The following HELQ variants were observed in gnomAD, a reference collection of about 807,000 sequenced individuals.
HELQ encodes helicase, POLQ like.
HELQ carries 77 observed loss-of-function variants against 111.6 expected under a neutral mutation model. The observed-to-expected ratio is 0.69, with a 90% CI of 0.57 to 0.83. The LOEUF (loss-of-function observed/expected upper bound fraction) is 0.83, where lower values mean the gene tolerates loss of function less well. Among genes scored for constraint, HELQ ranks in the 40% least tolerant of loss-of-function variants. The pLI, the probability that HELQ is intolerant of heterozygous loss-of-function variation, is 0.00. For synonymous variants in HELQ, 438 were observed against 454.7 expected, an observed-to-expected ratio of 0.96 and a Z score of 0.47; for missense variants, 1,200 against 1,288.5, an observed-to-expected ratio of 0.93 and a Z score of 1.05.
rs560373559 is a variant in HELQ, at chr4:83,437,016, A to G, written c.1890T>C (p.Pro630=). ...LKNIGNGNLC[P]VLKRTIPFGV... The stretch of plus-strand genomic sequence containing the variant: ...CAAATGGGATAGTGCGCTTTAAAAC[A>G]GGACACAGGTTGCCATTGCCAATAT... The change falls in exon 9 of 18, where the codon CCT becomes CCC. Residue 630 remains proline, a synonymous_variant. Coordinates refer to ENST00000295488, the MANE Select transcript of HELQ (RefSeq NM_133636.5). 1 of 1,614,132 alleles carries G rather than the reference A, an allele frequency of 6.2e-7. No homozygotes were observed. Among genetic ancestry groups the G allele is most frequent in the Admixed American group, 1.7e-5 (1 of 60,006 alleles).
In HELQ at chr4:83,448,872, C is replaced by T. The variant is rs562010536; in HGVS notation, c.1102G>A (p.Val368Met). The change falls in exon 3 of 18, where the codon GTG becomes ATG. Residue 368 changes from valine to methionine, a missense_variant. Val to Met is a conservative substitution (Grantham distance 21). This residue lies in a region of HELQ where 610 missense variants were observed against 607.1 expected (regional missense o/e 1.00). Coordinates refer to ENST00000295488, the MANE Select transcript of HELQ (RefSeq NM_133636.5). The part of the protein sequence containing the change: ...SLPTSGGKTL[V>M]AEILMLQELL... ...TCTTGCAGCATTAAAATCTCAGCCA[C>T]GAGGGTTTTTCCACCACTTGTTGGC... 35 of 1,613,588 alleles carry T rather than the reference C, an allele frequency of 2.2e-5. No homozygotes were observed. Among genetic ancestry groups the T allele is most frequent in the Admixed American group, 5.0e-5 (3 of 59,988 alleles).
chr4:83,454,578 TAAGAA>T (rs1212023415), intron 1 of HELQ, among the ~76,000 whole-genome samples: 1 of 149,448 alleles, frequency 6.7e-6, no homozygotes, highest in Non-Finnish European at 1.5e-5. Context: ...CCCGGCTAAT[TAAGAA>T]AAAAAAATTT....
rs1048568594 is a variant in HELQ at position 83,432,568 on chromosome 4, C to T, written c.2049-301G>A. On this transcript the variant is annotated intron_variant, in intron 9 of 17. Transcript: ENST00000295488. ...GTAATTACCAGAGCTATCATTTGAA[C>T]TCAAGTCTGCCCAGCTGCAATGCCT... 3.3e-5 allele frequency among the ~76,000 whole-genome samples: 5 copies of T among 152,164 alleles called. No individual in the cohort carries two copies. The East Asian group carries it at 5.8e-4, about 18-fold the overall frequency.
Position 83,411,157 on chromosome 4 carries a change from C to CAA in HELQ, c.3199-3599_3199-3598dup, listed in dbSNP as rs35424076. ...TTGGAGTGAGAGGGAGACCTTGTCT[C>CAA]AAAAAAAAAAAAAAAAAAAAGAAAG... On this transcript the variant is annotated intron_variant, in intron 17 of 17. Coordinates refer to ENST00000295488, the MANE Select transcript of HELQ (RefSeq NM_133636.5). Among the ~76,000 whole-genome samples the CAA allele has an allele frequency of 2.0e-3, 133 of 67,080 alleles. 1 individual carries two copies. The highest frequency in any genetic ancestry group is 5.2e-3 in the African/African-American group (111 of 21,270). The allele number at this position is 67,080 out of a possible 152,430, so 44.0% of individuals were successfully genotyped here.
intron 8 of HELQ, among the ~76,000 whole-genome samples, chr4:83,438,748 GAA>G (rs200715200): frequency 0.43 from 44,157 of 103,774 alleles, 8,805 homozygotes; most frequent in East Asian, 0.69. Flanking sequence ...CCTGTCTCAG[GAA>G]AAAAAAAAAA....
In HELQ at chr4:83,429,656, A is replaced by G. The variant is rs1230383387; in HGVS notation, c.2386T>C (p.Trp796Arg). 4 of 1,613,178 alleles carry G rather than the reference A, an allele frequency of 2.5e-6. No homozygotes were observed. The highest frequency in any genetic ancestry group is 1.1e-5 in the South Asian group (1 of 91,070). ...QKVLLKEKSLWEITVESLRYL... is the reference protein window; with the variant it reads ...QKVLLKEKSLREITVESLRYL... ...CTAAGTGATTCAACAGTTATTTCCC[A>G]GAGACTTTTTTCTTTCAATAAAACC... The change falls in exon 12 of 18, where the codon TGG becomes CGG. Residue 796 changes from tryptophan to arginine, a missense_variant. Transcript: ENST00000295488.
At chr4:83,408,535 G>A (rs915853847) in intron 17 of HELQ, among the ~76,000 whole-genome samples, 4 of 150,040 alleles carry the variant, frequency 2.7e-5, no homozygotes, top group African/African-American at 9.8e-5. Flanking sequence ...ACAGGTGTGA[G>A]CCACCATGCC....
chr4:83,427,614 G>A lies in HELQ; in HGVS notation c.2625C>T (p.Pro875=). The A allele has an allele frequency of 6.2e-7, 1 of 1,604,942 alleles. No individual in the cohort carries two copies. The highest frequency in any genetic ancestry group is 8.5e-7 in the Non-Finnish European group (1 of 1,176,302). ...GGTTACACTGTGAAACCAGATCATAGGGGGTTGTTAGGTAGATTAGATGAA... is the reference window on the plus strand; with the variant it reads ...GGTTACACTGTGAAACCAGATCATAAGGGGTTGTTAGGTAGATTAGATGAA... ...SLLHLIYLTT[P]YDLVSQCNPD... The change falls in exon 13 of 18, where the codon CCC becomes CCT. Residue 875 remains proline, a synonymous_variant. Coordinates refer to ENST00000295488, the MANE Select transcript of HELQ (RefSeq NM_133636.5).
rs532039377 is a variant in HELQ at position 83,429,434 on chromosome 4, C to T, written c.2518+90G>A. 2.8e-5 allele frequency: 27 copies of T among 955,858 alleles called. No homozygotes were observed. The Admixed American group carries it at 5.3e-4, about 19-fold the overall frequency. The allele number at this position is 955,858 out of a possible 1,614,324, so 59.2% of individuals were successfully genotyped here. A position where few individuals can be genotyped will look rare whatever the true frequency, so the allele number is the denominator to read the frequency against. ...AGAGTGTTGGGATTACAGGCGTGAGCCACTGTGCCCAGCTTAAAGAAAGTA... is the reference window on the plus strand; with the variant it reads ...AGAGTGTTGGGATTACAGGCGTGAGTCACTGTGCCCAGCTTAAAGAAAGTA... On this transcript the variant is annotated intron_variant, in intron 12 of 17. Transcript: ENST00000295488.
intron 17 of HELQ, among the ~76,000 whole-genome samples, chr4:83,410,095 A>G (rs1204697636): frequency 6.6e-6 from 1 of 152,108 alleles, no homozygotes; most frequent in Non-Finnish European, 1.5e-5. Context: ...TACAACAACA[A>G]CAAAAAATTA....
intron 14 of HELQ, among the ~76,000 whole-genome samples, chr4:83,423,995 G>A (rs1719697014): frequency 6.6e-6 from 1 of 151,942 alleles, no homozygotes; most frequent in Non-Finnish European, 1.5e-5. Context: ...TTTCAATGTG[G>A]AGAAATCAAT....
chr4:83,437,212 G>A (rs1363153678), intron 8 of HELQ, 115 bp from the exon 9 acceptor site: 4 of 964,314 alleles, frequency 4.1e-6, no homozygotes, highest in Non-Finnish European at 6.1e-6. Context: ...TATTTCCATT[G>A]AGTTAAGTAC....
intron 17 of HELQ, 64 bp from the exon 18 acceptor site, chr4:83,407,624 A>G: frequency 2.1e-6 from 2 of 973,038 alleles, no homozygotes; most frequent in Non-Finnish European, 3.3e-6. Context: ...CAACAATTTT[A>G]CCACTGTCCA....
intron 12 of HELQ, 136 bp downstream of exon 12, chr4:83,429,388 A>G: frequency 1.6e-6 from 1 of 641,392 alleles, no homozygotes. Context: ...ACCTCAAGTG[A>G]TCCGCTCCCC....
chr4:83,452,236 TATGAG>T (rs1288263190), intron 2 of HELQ, among the ~76,000 whole-genome samples: 2 of 152,190 alleles, frequency 1.3e-5, no homozygotes. Context: ...CTTAAAACAT[TATGAG>T]ATTTTTTTTT....
intron 8 of HELQ, among the ~76,000 whole-genome samples, chr4:83,438,797 C>T (rs1020206236): frequency 2.1e-5 from 3 of 141,364 alleles, no homozygotes; most frequent in Non-Finnish European, 4.6e-5. Context: ...ATGGAAGATA[C>T]AATTCATTTC....
intron 14 of HELQ, among the ~76,000 whole-genome samples, chr4:83,422,542 T>C (rs1241596615): frequency 1.3e-5 from 2 of 151,946 alleles, no homozygotes; most frequent in African/African-American, 2.4e-5. Flanking sequence ...GAGGCTGAGA[T>C]TGGAGGGATG....
chr4:83,425,999 C>T lies in HELQ; in HGVS notation c.2770G>A (p.Gly924Arg), dbSNP rs147190811. The change falls in exon 14 of 18, where the codon GGA becomes AGA. Residue 924 changes from glycine (G) to arginine (R), a missense_variant. By Grantham distance (125) the Gly-to-Arg change is moderately radical (BLOSUM62 -2). Coordinates refer to ENST00000295488, the MANE Select transcript of HELQ (RefSeq NM_133636.5). ...AGAAAAAAAGAATGTGGTACCTTTC[C>T]GATGGCTTGGCCTGATGCTTTCTTC... ...IGKKASGQAI[G>R]KKVDKNVVNR... 70 of 1,567,396 alleles carry T rather than the reference C, an allele frequency of 4.5e-5. No homozygotes were observed. The highest frequency in any genetic ancestry group is 4.3e-4 in the African/African-American group (32 of 73,928).
chr4:83,455,695 G>A lies in HELQ; in HGVS notation c.-2C>T. On this transcript the variant is annotated 5_prime_UTR_variant, in exon 1 of 18. Transcript: ENST00000295488. The stretch of plus-strand genomic sequence containing the variant: ...GATGCGGGAACCACATTCATCCATG[G>A]CAAGGACCCAGGGCCCTATTCAGAC... 6.2e-7 allele frequency: 1 copy of A among 1,603,666 alleles called. No homozygotes were observed. Among genetic ancestry groups the A allele is most frequent in the Non-Finnish European group, 8.5e-7 (1 of 1,179,560 alleles).
Sources: allele counts gnomAD v4.1 joint callset (sites outside exome capture counted in the v4.1 genomes callset), GRCh38; gene constraint gnomAD v4.1.1; regional missense constraint gnomAD v4.1.1; transcripts MANE v1.5; gene names NCBI Gene and HGNC (gene_info 2026-07-23, HGNC 2026-07-21).